The following DPP6 variants were observed in gnomAD, a reference collection of about 807,000 sequenced individuals.
DPP6 encodes the protein dipeptidyl peptidase like 6.
Under a neutral mutation model 122.6 loss-of-function variants are expected in DPP6, and 69 were observed. The ratio of observed to expected loss-of-function variants is 0.56; its 90% CI spans 0.46 to 0.69. DPP6 has a LOEUF of 0.69. DPP6 is among the 30% of genes least tolerant of loss of function. The pLI, the probability that DPP6 is intolerant of heterozygous loss-of-function variation, is 0.00. For synonymous variants in DPP6, 418 were observed against 433.1 expected, an observed-to-expected ratio of 0.97 and a Z score of 0.43; for missense variants, 928 against 1,116.9, an observed-to-expected ratio of 0.83 and a Z score of 2.41.
intron 5 of DPP6, among the ~76,000 whole-genome samples, chr7:154,627,279 T>C (rs1341443250): frequency 6.8e-6 from 1 of 146,438 alleles, no homozygotes; most frequent in Non-Finnish European, 1.5e-5. Flanking sequence ...TACTGCAAGC[T>C]CTGCCTCCCG....
intron 6 of DPP6, among the ~76,000 whole-genome samples, chr7:154,667,431 T>C (rs1396215333): frequency 6.6e-6 from 1 of 152,204 alleles, no homozygotes; most frequent in Non-Finnish European, 1.5e-5. Context: ...TGAAACATCA[T>C]AACATACAAA....
chr7:154,284,255 C>T (rs1046274226), intron 1 of DPP6, among the ~76,000 whole-genome samples: 2 of 152,022 alleles, frequency 1.3e-5, no homozygotes, highest in Non-Finnish European at 2.9e-5. Context: ...CTGGATGCTA[C>T]CAGAACTATG....
intron 1 of DPP6, among the ~76,000 whole-genome samples, chr7:154,257,548 A>C (rs923859750): frequency 1.3e-5 from 2 of 152,016 alleles, no homozygotes; most frequent in Non-Finnish European, 2.9e-5. Flanking sequence ...ATACAAAAAA[A>C]TTAGTGGTTG....
intron 1 of DPP6, among the ~76,000 whole-genome samples, chr7:153,963,396 C>T (rs566459641): frequency 6.8e-6 from 1 of 147,700 alleles, no homozygotes; most frequent in East Asian, 2.0e-4. Context: ...CCCGAGAAAA[C>T]CTGGAGAAGG....
At chr7:154,637,934 C>G in intron 6 of DPP6, 61 bp downstream of exon 6, 1 of 1,524,714 alleles carries the variant, frequency 6.6e-7, no homozygotes, top group South Asian at 1.2e-5. Context: ...AAGGGTAGAA[C>G]ATGGACGAGC....
At chr7:154,095,619 C>T (rs2150559676) in intron 1 of DPP6, 1 of 118,410 alleles carries the variant, frequency 8.4e-6, no homozygotes, top group African/African-American at 2.9e-5. Flanking sequence ...AGCCCCAACT[C>T]GACGAGAGCC....
Position 154,862,023 on chromosome 7 carries a change from A to G in DPP6, c.1715-5972A>G, listed in dbSNP as rs148151803. On this transcript the variant is annotated intron_variant, in intron 17 of 25. Coordinates refer to ENST00000377770, the MANE Select transcript of DPP6 (RefSeq NM_130797.4). Reference sequence around the variant, plus strand: ...TGATCTATTGATTTTTAGCTCAGTGAGATTCCCCTTCCATTTTGTTAAAAT... The same window carrying G: ...TGATCTATTGATTTTTAGCTCAGTGGGATTCCCCTTCCATTTTGTTAAAAT... Among the ~76,000 whole-genome samples the G allele has an allele frequency of 2.7e-3, 407 of 152,294 alleles. 1 individual carries two copies. The highest frequency in any genetic ancestry group is 3.6e-3 in the Non-Finnish European group (244 of 68,020).
At chr7:154,418,930 C>T (rs1817239312) in intron 1 of DPP6, among the ~76,000 whole-genome samples, 1 of 152,196 alleles carries the variant, frequency 6.6e-6, no homozygotes, top group Non-Finnish European at 1.5e-5. Flanking sequence ...GCATTCCAGA[C>T]CCTCCAGGGC....
At chr7:154,615,629 A>G (rs758377313) in intron 5 of DPP6, among the ~76,000 whole-genome samples, 8 of 152,178 alleles carry the variant, frequency 5.3e-5, no homozygotes, top group Non-Finnish European at 8.8e-5. Context: ...ATCACCCGCA[A>G]CAGATCCCAA....
At chr7:153,888,478 G>T (rs1048443472) in intron 1 of DPP6, among the ~76,000 whole-genome samples, 4 of 152,152 alleles carry the variant, frequency 2.6e-5, no homozygotes, top group Non-Finnish European at 4.4e-5. Flanking sequence ...CCGCCTCGCC[G>T]CTCCCCGCTG....
At chr7:153,862,690 A>G in the DPP6 span, among the ~76,000 whole-genome samples, 1 of 152,192 alleles carries the variant, frequency 6.6e-6, no homozygotes, top group African/African-American at 2.4e-5. Context: ...CAAGAAAAGA[A>G]CAAGCTAGAT....
At chr7:154,202,721 A>G (rs540752437) in intron 1 of DPP6, among the ~76,000 whole-genome samples, 6 of 152,194 alleles carry the variant, frequency 3.9e-5, no homozygotes, top group African/African-American at 1.4e-4. Flanking sequence ...GGGCCCCTCC[A>G]TTCCCCAGAA....
At chr7:153,899,693 T>G (rs1395252770) in intron 1 of DPP6, among the ~76,000 whole-genome samples, 1 of 152,242 alleles carries the variant, frequency 6.6e-6, no homozygotes, top group Non-Finnish European at 1.5e-5. Context: ...AGAAATGTGT[T>G]GTGCTCAAAG....
intron 6 of DPP6, among the ~76,000 whole-genome samples, chr7:154,667,381 A>G (rs546241278): frequency 1.3e-5 from 2 of 152,306 alleles, no homozygotes; most frequent in Non-Finnish European, 2.9e-5. Flanking sequence ...TCTCTACACC[A>G]GGGTTCAAGA....
At chr7:154,278,036 A>C (rs772909868) in intron 1 of DPP6, among the ~76,000 whole-genome samples, 1 of 152,240 alleles carries the variant, frequency 6.6e-6, no homozygotes, top group Non-Finnish European at 1.5e-5. Flanking sequence ...TGCGGGCGAC[A>C]GATGTGGTTC....
At chr7:154,661,624 G>A (rs1178965177) in intron 6 of DPP6, among the ~76,000 whole-genome samples, 3 of 146,378 alleles carry the variant, frequency 2.0e-5, no homozygotes, top group Admixed American at 1.3e-4. Context: ...AATCACCATG[G>A]CGTATTGGCC....
the DPP6 span, among the ~76,000 whole-genome samples, chr7:153,797,586 TCA>T: frequency 6.6e-6 from 1 of 152,192 alleles, no homozygotes; most frequent in Non-Finnish European, 1.5e-5. Flanking sequence ...GGCTTCATCC[TCA>T]GCCTTCTAGC....
chr7:154,259,062 G>A (rs1175146524), intron 1 of DPP6, among the ~76,000 whole-genome samples: 1 of 152,198 alleles, frequency 6.6e-6, no homozygotes, highest in African/African-American at 2.4e-5. Flanking sequence ...AGACATGGAT[G>A]CGTGTGGCCT....
intron 1 of DPP6, among the ~76,000 whole-genome samples, chr7:154,333,967 A>G (rs1809173436): frequency 6.6e-6 from 1 of 152,194 alleles, no homozygotes; most frequent in South Asian, 2.1e-4. Flanking sequence ...ATTTTAGTAG[A>G]CTGTTTCCAT....
Sources: allele counts gnomAD v4.1 joint callset (sites outside exome capture counted in the v4.1 genomes callset), GRCh38; gene constraint gnomAD v4.1.1; transcripts MANE v1.5; gene names NCBI Gene and HGNC (gene_info 2026-07-23, HGNC 2026-07-21).